DIDO1: variants seen among roughly 807,000 people sequenced by gnomAD.
The protein encoded by DIDO1 is death-inducer obliterator 1.
A neutral mutation model predicts 99.4 loss-of-function variants in DIDO1; 16 were observed. The ratio of observed to expected loss-of-function variants is 0.16; its 90% confidence interval spans 0.11 to 0.24. The LOEUF (loss-of-function observed/expected upper bound fraction) is 0.24, where lower values mean the gene tolerates loss of function less well. DIDO1 is among the 10% of genes least tolerant of loss of function. The probability of loss-of-function intolerance (pLI) is 1.00; values close to 1 mark genes in which losing one functional copy is unlikely to be tolerated. For missense variants in DIDO1, 2,996 were observed against 3,014.0 expected (o/e 0.99, Z 0.14); for synonymous variants, 1,366 against 1,239.1 (o/e 1.10, Z -2.15).
chr20:62,905,417 A>AT, intron 6 of DIDO1: 1 of 1,494,384 alleles, frequency 6.7e-7, no homozygotes, highest in Middle Eastern at 2.3e-4. Flanking sequence ...ACTTGCAAAG[A>AT]TTCCCACAAC....
At chr20:62,933,636 G>A (rs1271627123) in intron 1 of DIDO1, among the ~76,000 whole-genome samples, 2 of 152,194 alleles carry the variant, frequency 1.3e-5, no homozygotes, top group African/African-American at 2.4e-5. Context: ...CTGGGAGGCT[G>A]AGGCAGGAAG....
chr20:62,902,387 T>C (rs1398783567), intron 6 of DIDO1, among the ~76,000 whole-genome samples: 1 of 152,204 alleles, frequency 6.6e-6, no homozygotes, highest in Non-Finnish European at 1.5e-5. Flanking sequence ...TTTTTCTAAT[T>C]GGGAGGAAGA....
At position 62,894,396 on chromosome 20, in the gene DIDO1, C is replaced by T; in HGVS notation, c.2572+17G>A. ...TTAGTCTCAGCTCCAAGGCTCCATC[C>T]CCTGCACTGTGCTCACCTGTGCAAA... On this transcript the variant is annotated intron_variant, in intron 11 of 15. Transcript: ENST00000395343. The surrounding 1 kb of genome is among the most constrained non-coding windows in gnomAD (Gnocchi z 4.4). 6.2e-7 allele frequency: 1 copy of T among 1,609,938 alleles called. No individual in the cohort carries two copies. The highest frequency in any genetic ancestry group is 8.5e-7 in the Non-Finnish European group (1 of 1,179,666).
rs537559605 is a variant in DIDO1 at position 62,901,997 on chromosome 20, C to T, written c.1588+3890G>A. On this transcript the variant is annotated intron_variant, in intron 6 of 15. Transcript: ENST00000395343. ...CATCTTTAGACTATGAGTAGATCCA[C>T]AGCTCCGAAAGGTCCTATGAAGGTC... Among the ~76,000 whole-genome samples the T allele has an allele frequency of 2.6e-5, 4 of 152,016 alleles. No individual in the cohort carries two copies. The South Asian group carries it at 8.3e-4, about 32-fold the overall frequency.
chr20:62,901,190 G>A (rs2064668731), intron 6 of DIDO1, among the ~76,000 whole-genome samples: 1 of 152,260 alleles, frequency 6.6e-6, no homozygotes, highest in African/African-American at 2.4e-5. Context: ...CCTCAGAGGA[G>A]ACCATCACTA....
exon 1 of DIDO1, chr20:62,937,840 T>C: frequency 2.5e-6 from 1 of 398,360 alleles, no homozygotes; most frequent in East Asian, 3.6e-5. Context: ...CGGTTCCAGA[T>C]TTCCGCGCTC....
At chr20:62,921,801 TTGTGTG>T (rs10657976) in intron 1 of DIDO1, among the ~76,000 whole-genome samples, 3 of 149,638 alleles carry the variant, frequency 2.0e-5, no homozygotes, top group African/African-American at 7.4e-5. Flanking sequence ...TGCCCAGCTA[TTGTGTG>T]TGTGTGTATA....
intron 3 of DIDO1, among the ~76,000 whole-genome samples, chr20:62,910,529 G>A (rs557579370): frequency 4.1e-4 from 63 of 152,350 alleles, no homozygotes; most frequent in African/African-American, 1.5e-3. Flanking sequence ...TCACGTGACT[G>A]GGGTGGGGCG....
chr20:62,886,582 G>C (rs1310002452), intron 15 of DIDO1, among the ~76,000 whole-genome samples: 3 of 152,176 alleles, frequency 2.0e-5, no homozygotes, highest in African/African-American at 7.2e-5. Context: ...CTGCTTCTCA[G>C]GGTGCAGGAA....
rs35728548 is a variant in DIDO1 at position 62,894,722 on chromosome 20, G to GT, written c.2436+87_2436+88insA. 0.17 allele frequency: 242,064 copies of GT among 1,455,630 alleles called. 25,722 individuals are homozygous for GT. The highest frequency in any genetic ancestry group is 0.48 in the African/African-American group (33,601 of 70,350). 90.2% of individuals were successfully genotyped at this position (1,455,630 alleles called of 1,614,324 possible). ...ATGACATACACCTGCTGTAAGCTCA[G>GT]GTCCTGCCCAATAATTTAAGATAAC... is the stretch of plus-strand genomic sequence containing the variant. On this transcript the variant is annotated intron_variant, in intron 10 of 15. Transcript: ENST00000395343. This position sits in a 1 kb window ranked among gnomAD's most constrained non-coding sequence, Gnocchi z 4.4.
chr20:62,906,616 A>G (rs1201683635), intron 5 of DIDO1, among the ~76,000 whole-genome samples: 1 of 152,198 alleles, frequency 6.6e-6, no homozygotes, highest in Non-Finnish European at 1.5e-5. Context: ...GCTGGTCACA[A>G]ACATAACCGG....
At chr20:62,931,503 G>A (rs1382252979), upstream of DIDO1, among the ~76,000 whole-genome samples, 1 of 152,222 alleles carries the variant, frequency 6.6e-6, no homozygotes, top group African/African-American at 2.4e-5. Flanking sequence ...CGCTTGGACA[G>A]ATTCTGACAG....
rs1236925119 is a variant in DIDO1 at position 62,877,978 on chromosome 20, TTAATG to T, written c.*1250_*1254del. ...TAGATGTTGGAACGTGACACCTACT[TTAATG>T]TAATTTAACCTATGGACACTTGGCT... On this transcript the variant is annotated 3_prime_UTR_variant, in exon 16 of 16. Transcript: ENST00000395343. 1 of 152,228 alleles carries T rather than the reference TTAATG, an allele frequency of 6.6e-6. No individual in the cohort carries two copies. The highest frequency in any genetic ancestry group is 1.5e-5 in the Non-Finnish European group (1 of 68,042). 9.4% of individuals were successfully genotyped at this position (152,228 alleles called of 1,614,324 possible).
rs1472126655 is a variant in DIDO1, at chr20:62,894,682, C to G, written c.2436+128G>C. On this transcript the variant is annotated intron_variant, in intron 10 of 15. Transcript: ENST00000395343. The surrounding 1 kb of genome is among the most constrained non-coding windows in gnomAD (Gnocchi z 4.4). ...AAAAAAGGACCATCTAATACAAGGA[C>G]TGAGGAATGCCACAATGACATACAC... is the stretch of plus-strand genomic sequence containing the variant. The G allele has an allele frequency of 3.6e-6, 5 of 1,404,506 alleles. No homozygotes were observed. Among genetic ancestry groups the G allele is most frequent in the Non-Finnish European group, 4.8e-6 (5 of 1,042,284 alleles). The allele number at this position is 1,404,506 out of a possible 1,614,324, so 87.0% of individuals were successfully genotyped here.
intron 1 of DIDO1, among the ~76,000 whole-genome samples, chr20:62,935,521 A>G (rs1414514810): frequency 6.6e-6 from 1 of 152,196 alleles, no homozygotes; most frequent in Non-Finnish European, 1.5e-5. Flanking sequence ...TTGTTAGGGA[A>G]GACTTCCCCG....
chr20:62,897,064 A>C, intron 6 of DIDO1, 68 bp from the exon 7 acceptor site: 1 of 1,450,938 alleles, frequency 6.9e-7, no homozygotes, highest in Non-Finnish European at 9.3e-7. Context: ...GACTCTAAAA[A>C]GCAGACTTAC....
At chr20:62,903,155 T>C (rs948906629) in intron 6 of DIDO1, among the ~76,000 whole-genome samples, 1 of 152,112 alleles carries the variant, frequency 6.6e-6, no homozygotes, top group Non-Finnish European at 1.5e-5. Flanking sequence ...ACTGTATATA[T>C]AAGAAACAAT....
chr20:62,887,092 G>C (rs2064308596), intron 15 of DIDO1: 1 of 983,720 alleles, frequency 1.0e-6, no homozygotes, highest in Non-Finnish European at 1.2e-6. Context: ...AGCAGCTGCT[G>C]GGTGGGCTGC....
intron 1 of DIDO1, chr20:62,937,647 C>G (rs2065406253): frequency 2.5e-6 from 1 of 394,710 alleles, no homozygotes; most frequent in East Asian, 3.6e-5. Flanking sequence ...TCAGCCGTCT[C>G]TCCCTGGACC....
Sources: gnomAD v4.1 joint callset for allele counts (sites outside exome capture counted in the v4.1 genomes callset) on GRCh38, gnomAD v4.1.1 for gene constraint, Gnocchi (gnomAD v3.1) non-coding constraint, MANE v1.5 for transcripts, NCBI Gene and HGNC (gene_info 2026-07-23, HGNC 2026-07-21) for gene names.